Variants in KLF12 observed in about 807,000 individuals in gnomAD.
KLF12 encodes the protein Krueppel-like factor 12.
A neutral mutation model predicts 37.8 loss-of-function variants in KLF12; 9 were observed. The ratio of observed to expected loss-of-function variants is 0.24; its 90% confidence interval spans 0.14 to 0.42. The LOEUF is 0.42. KLF12 is among the 10% of genes least tolerant of loss of function. The pLI is 1.00. For synonymous variants in KLF12, 208 were observed against 202.1 expected (o/e 1.03, Z -0.25); for missense variants, 411 against 516.0 (o/e 0.80, Z 1.97).
At chr13:74,134,658 G>T (rs1490461544), upstream of KLF12, among the ~76,000 whole-genome samples, 1 of 151,780 alleles carries the variant, frequency 6.6e-6, no homozygotes, top group African/African-American at 2.4e-5. Flanking sequence ...TCGGGGAGTC[G>T]TCGGCCGAGG....
the KLF12 span, among the ~76,000 whole-genome samples, chr13:74,227,076 A>C: frequency 6.6e-6 from 1 of 152,078 alleles, no homozygotes; most frequent in South Asian, 2.1e-4. Context: ...GCCACTTCCC[A>C]TTAATATTAT....
intron 2 of KLF12, among the ~76,000 whole-genome samples, chr13:73,946,440 T>C (rs1890426131): frequency 6.6e-6 from 1 of 152,214 alleles, no homozygotes; most frequent in Non-Finnish European, 1.5e-5. Context: ...TGATAAATCA[T>C]AAAAACCTGA....
chr13:74,186,855 G>GA, the KLF12 span, among the ~76,000 whole-genome samples: 38 of 152,196 alleles, frequency 2.5e-4, no homozygotes, highest in Non-Finnish European at 5.3e-4. Flanking sequence ...CATGGGAGGT[G>GA]AAAAAACATT....
chr13:73,739,237 T>TTAA (rs138002893), intron 6 of KLF12, among the ~76,000 whole-genome samples: 25,066 of 143,350 alleles, frequency 0.17, 2,252 homozygotes, highest in Middle Eastern at 0.24. Context: ...CTGTCTCAAA[T>TTAA]TAATAATAAT....
intron 1 of KLF12, among the ~76,000 whole-genome samples, chr13:74,067,838 G>A (rs1566196448): frequency 6.6e-6 from 1 of 152,202 alleles, no homozygotes; most frequent in Non-Finnish European, 1.5e-5. Context: ...GTCAGGGAAG[G>A]GGTATACAGG....
the KLF12 span, among the ~76,000 whole-genome samples, chr13:74,196,090 C>T: frequency 6.6e-6 from 1 of 152,148 alleles, no homozygotes. Flanking sequence ...AAGCACTTAC[C>T]AAGTGCAAAA....
chr13:74,051,295 GATGA>G (rs1280164492), intron 1 of KLF12, among the ~76,000 whole-genome samples: 1 of 150,762 alleles, frequency 6.6e-6, no homozygotes, highest in Non-Finnish European at 1.5e-5. Context: ...TCCATCAATG[GATGA>G]ATGGATAAAG....
chr13:74,274,696 T>TA, the KLF12 span, among the ~76,000 whole-genome samples: 3 of 152,030 alleles, frequency 2.0e-5, no homozygotes, highest in Admixed American at 6.5e-5. Flanking sequence ...TTTTTTTTTT[T>TA]ATAATTGAAG....
chr13:73,941,096 A>G (rs1351351003), intron 3 of KLF12, among the ~76,000 whole-genome samples: 2 of 152,246 alleles, frequency 1.3e-5, no homozygotes, highest in African/African-American at 4.8e-5. Context: ...ATTAGTATCT[A>G]TTTCTTAAAG....
At chr13:74,051,333 CACACACAA>C (rs1230404176) in intron 1 of KLF12, among the ~76,000 whole-genome samples, 30 of 86,290 alleles carry the variant, frequency 3.5e-4, no homozygotes, top group East Asian at 1.6e-3. Context: ...TGTATACATA[CACACACAA>C]ACACACACAC....
At chr13:74,284,665 G>A in the KLF12 span, among the ~76,000 whole-genome samples, 1 of 152,224 alleles carries the variant, frequency 6.6e-6, no homozygotes, top group Non-Finnish European at 1.5e-5. Context: ...ATGACAGACA[G>A]ATCCAATGGC....
intron 5 of KLF12, chr13:73,812,852 A>G (rs1998574): frequency 0.37 from 83,387 of 227,864 alleles, 16,285 homozygotes; most frequent in East Asian, 0.6. Flanking sequence ...ATAATCAAAT[A>G]GTGACATTCA....
At chr13:74,149,148 C>T in the KLF12 span, among the ~76,000 whole-genome samples, 1 of 152,120 alleles carries the variant, frequency 6.6e-6, no homozygotes, top group Non-Finnish European at 1.5e-5. Context: ...TCAGCCCACT[C>T]CCTTAGTGAT....
chr13:74,282,146 G>A, the KLF12 span, among the ~76,000 whole-genome samples: 2 of 152,136 alleles, frequency 1.3e-5, no homozygotes, highest in Admixed American at 6.5e-5. Flanking sequence ...GTGGCAACAA[G>A]CTCCAGGCTC....
intron 4 of KLF12, among the ~76,000 whole-genome samples, chr13:73,827,420 A>T (rs1295066670): frequency 1.3e-5 from 2 of 152,184 alleles, no homozygotes; most frequent in Admixed American, 6.5e-5. Flanking sequence ...ATATTTCCAG[A>T]TATTAAAATT....
At chr13:74,164,068 A>C in the KLF12 span, among the ~76,000 whole-genome samples, 1 of 152,126 alleles carries the variant, frequency 6.6e-6, no homozygotes, top group Non-Finnish European at 1.5e-5. Context: ...AGATTCTAAT[A>C]ATTATGACAG....
intron 1 of KLF12, among the ~76,000 whole-genome samples, chr13:74,114,689 T>C (rs1262080148): frequency 1.3e-5 from 2 of 152,194 alleles, no homozygotes; most frequent in Non-Finnish European, 2.9e-5. Context: ...GTTGTCAACG[T>C]GGGTTCCAGA....
intron 3 of KLF12, among the ~76,000 whole-genome samples, chr13:73,912,913 C>CCTCT (rs376143304): frequency 8.0e-5 from 12 of 150,282 alleles, no homozygotes; most frequent in African/African-American, 2.4e-4. Context: ...CTGGCTTCTC[C>CCTCT]CTCTCTCTCT....
intron 4 of KLF12, among the ~76,000 whole-genome samples, chr13:73,830,481 T>C (rs1413192016): frequency 6.6e-6 from 1 of 152,244 alleles, no homozygotes; most frequent in Non-Finnish European, 1.5e-5. Context: ...GAATTCATTT[T>C]CCAATTTTGA....
Sources: allele counts gnomAD v4.1 joint callset (sites outside exome capture counted in the v4.1 genomes callset), GRCh38; gene constraint gnomAD v4.1.1; transcripts MANE v1.5; gene names NCBI Gene and HGNC (gene_info 2026-07-23, HGNC 2026-07-21).